NRXN1: variants seen among roughly 807,000 people sequenced by gnomAD.
NRXN1 encodes neurexin 1, also known as neurexin-1.
A neutral mutation model predicts 150.9 loss-of-function variants in NRXN1; 39 were observed. The ratio of observed to expected loss-of-function variants is 0.26; its 90% CI spans 0.20 to 0.34. The LOEUF (loss-of-function observed/expected upper bound fraction) is 0.34, where lower values mean the gene tolerates loss of function less well. NRXN1 is among the 10% of genes least tolerant of loss of function. The pLI is 1.00. For synonymous variants in NRXN1, 924 were observed against 757.0 expected, an observed-to-expected ratio of 1.22 and a Z score of -3.62; for missense variants, 1,815 against 1,949.9, an observed-to-expected ratio of 0.93 and a Z score of 1.30.
intron 5 of NRXN1, among the ~76,000 whole-genome samples, chr2:50,685,226 T>C (rs190577666): frequency 1.3e-5 from 2 of 152,194 alleles, no homozygotes; most frequent in African/African-American, 4.8e-5. Flanking sequence ...CCGCCTGTTT[T>C]TCTTTTGCTC....
intron 8 of NRXN1, among the ~76,000 whole-genome samples, chr2:50,556,736 C>T (rs1216162571): frequency 6.6e-6 from 1 of 152,062 alleles, no homozygotes; most frequent in Admixed American, 6.5e-5. Flanking sequence ...GAAAACATGA[C>T]AGCAATGCAG....
rs891982945 is a variant in NRXN1, at chr2:50,496,382, G to A, written c.2880-287C>T. ...TGGAAAGCAATATCTTTCACCACGC[G>A]CTCCCTGTTTCCACAATTCCCTCCA... On this transcript the variant is annotated intron_variant, in intron 14 of 22. Transcript: ENST00000401669. Among the ~76,000 whole-genome samples, 7 of 152,074 alleles carry A rather than the reference G, an allele frequency of 4.6e-5. No individual in the cohort carries two copies. The South Asian group carries it at 6.2e-4, about 14-fold the overall frequency.
intron 2 of NRXN1, among the ~76,000 whole-genome samples, chr2:50,952,399 G>T (rs1005858699): frequency 1.3e-5 from 2 of 152,104 alleles, no homozygotes; most frequent in Admixed American, 1.3e-4. Flanking sequence ...AAAGAAAAGA[G>T]AATTCTACAA....
intron 8 of NRXN1, among the ~76,000 whole-genome samples, chr2:50,570,740 T>TTA (rs139186455): frequency 0.13 from 19,074 of 151,836 alleles, 2,437 homozygotes; most frequent in African/African-American, 0.33. Context: ...GGCAGTCATG[T>TTA]TATATATATA....
At chr2:50,441,254 A>G (rs1257595568) in intron 17 of NRXN1, among the ~76,000 whole-genome samples, 1 of 152,164 alleles carries the variant, frequency 6.6e-6, no homozygotes, top group African/African-American at 2.4e-5. Context: ...CAAATTATAA[A>G]TTGGCTATAT....
chr2:50,336,212 G>T (rs144621514), intron 17 of NRXN1, among the ~76,000 whole-genome samples: 2 of 152,052 alleles, frequency 1.3e-5, no homozygotes, highest in African/African-American at 4.8e-5. Flanking sequence ...CAACAATTCT[G>T]GTGTTAAATT....
In NRXN1 at chr2:50,392,147, C is replaced by A. The variant is rs989156682; in HGVS notation, c.3364+73295G>T. On this transcript the variant is annotated intron_variant, in intron 17 of 22. Coordinates refer to ENST00000401669, the MANE Select transcript of NRXN1 (RefSeq NM_001330078.2). Reference sequence around the variant, plus strand: ...TAAAATGATGTGATCACAAGGCTTACATGATAACTAGCGATGAATTCATCA... The same window carrying A: ...TAAAATGATGTGATCACAAGGCTTAAATGATAACTAGCGATGAATTCATCA... Among the ~76,000 whole-genome samples the A allele has an allele frequency of 5.9e-5, 9 of 152,112 alleles. No individual in the cohort carries two copies. The South Asian group carries it at 1.0e-3, about 17-fold the overall frequency.
At chr2:50,127,882 G>A (rs1283003415) in intron 18 of NRXN1, among the ~76,000 whole-genome samples, 5 of 152,216 alleles carry the variant, frequency 3.3e-5, no homozygotes, top group East Asian at 1.9e-4. Context: ...AACAGTTTTC[G>A]GCTTAGCCTG....
At position 49,946,711 on chromosome 2, in the gene NRXN1, T is replaced by C. The variant is rs183610945; in HGVS notation, c.4129-2920A>G. 7.1e-4 allele frequency among the ~76,000 whole-genome samples: 108 copies of C among 152,118 alleles called. 2 individuals are homozygous for C. In the East Asian group the frequency reaches 0.018, roughly 25 times the overall value. ...TGGTCTTCAAAGAACTAGAAAAAACTACTTTATATTTCATATGGAACCAAA... is the reference window on the plus strand; with the variant it reads ...TGGTCTTCAAAGAACTAGAAAAAACCACTTTATATTTCATATGGAACCAAA... On this transcript the variant is annotated intron_variant, in intron 21 of 22. Transcript: ENST00000401669.
intron 17 of NRXN1, among the ~76,000 whole-genome samples, chr2:50,285,589 C>G (rs1197249803): frequency 6.6e-6 from 1 of 152,092 alleles, no homozygotes; most frequent in African/African-American, 2.4e-5. Flanking sequence ...CATTTTTTTT[C>G]CCTCACTAAT....
At chr2:50,452,138 C>G (rs934277182) in intron 17 of NRXN1, among the ~76,000 whole-genome samples, 9 of 152,124 alleles carry the variant, frequency 5.9e-5, no homozygotes, top group Admixed American at 5.2e-4. Flanking sequence ...AGTCTTTGCC[C>G]TGTGTCTCAG....
chr2:50,465,353 A>T, intron 17 of NRXN1, 89 bp downstream of exon 17: 2 of 1,313,172 alleles, frequency 1.5e-6, no homozygotes, highest in Non-Finnish European at 2.1e-6. Flanking sequence ...CTCAGAGTTA[A>T]TATAAGGACT....
intron 18 of NRXN1, among the ~76,000 whole-genome samples, chr2:50,114,062 A>T (rs973927748): frequency 2.0e-5 from 3 of 152,150 alleles, no homozygotes; most frequent in African/African-American, 4.8e-5. Flanking sequence ...GATGTAAAAA[A>T]ATATATACCA....
chr2:49,931,627 C>G (rs369115795), intron 22 of NRXN1, among the ~76,000 whole-genome samples: 36 of 151,880 alleles, frequency 2.4e-4, no homozygotes, highest in African/African-American at 8.0e-4. Context: ...CCATAATTGT[C>G]AAGCAGAAGA....
intron 18 of NRXN1, among the ~76,000 whole-genome samples, chr2:50,230,297 T>A (rs999784889): frequency 7.2e-5 from 11 of 151,982 alleles, no homozygotes; most frequent in Non-Finnish European, 1.6e-4. Context: ...GCTCATTTTT[T>A]AAAAAAAGTT....
intron 8 of NRXN1, among the ~76,000 whole-genome samples, chr2:50,573,215 T>C (rs1355597213): frequency 6.6e-6 from 1 of 151,826 alleles, no homozygotes; most frequent in Non-Finnish European, 1.5e-5. Context: ...ATTAAAAAAA[T>C]AGTTGGACAT....
Position 50,349,704 on chromosome 2 carries a change from T to C in NRXN1, c.3365-112734A>G, listed in dbSNP as rs754904414. The stretch of plus-strand genomic sequence containing the variant: ...AAAGGATATCATGCAATATTTAATG[T>C]TGGTGTTCTTTAAAATATGTCAACT... On this transcript the variant is annotated intron_variant, in intron 17 of 22. Coordinates refer to ENST00000401669, the MANE Select transcript of NRXN1 (RefSeq NM_001330078.2). Among the ~76,000 whole-genome samples, 4 of 152,344 alleles carry C rather than the reference T, an allele frequency of 2.6e-5. No homozygotes were observed. The East Asian group carries it at 7.7e-4, about 29-fold the overall frequency.
intron 21 of NRXN1, among the ~76,000 whole-genome samples, chr2:49,968,376 A>G (rs1476919019): frequency 1.3e-5 from 2 of 152,110 alleles, no homozygotes; most frequent in South Asian, 4.1e-4. Context: ...CTTTTAAACA[A>G]AAAGTTGCAT....
intron 17 of NRXN1, among the ~76,000 whole-genome samples, chr2:50,409,449 T>A (rs1291468728): frequency 6.6e-6 from 1 of 152,252 alleles, no homozygotes; most frequent in East Asian, 1.9e-4. Context: ...GGCAGTGCCC[T>A]AGGCAAAGAG....
Sources: gnomAD v4.1 joint callset for allele counts (sites outside exome capture counted in the v4.1 genomes callset) on GRCh38, gnomAD v4.1.1 for gene constraint, MANE v1.5 for transcripts, NCBI Gene and HGNC (gene_info 2026-07-23, HGNC 2026-07-21) for gene names.